FAM149B1: variants seen among roughly 807,000 people sequenced by gnomAD.
FAM149B1 encodes primary cilium assembly protein FAM149B1.
A neutral mutation model predicts 75.3 loss-of-function variants in FAM149B1; 56 were observed. The ratio of observed to expected loss-of-function variants is 0.74; its 90% CI spans 0.60 to 0.93. The LOEUF (loss-of-function observed/expected upper bound fraction) is 0.93, where lower values mean the gene tolerates loss of function less well. Ranked by LOEUF, FAM149B1 falls within the 40% of genes least tolerant of loss-of-function variation. The pLI, the probability that FAM149B1 is intolerant of heterozygous loss-of-function variation, is 0.00. For synonymous variants in FAM149B1, 259 were observed against 256.1 expected (o/e 1.01, Z -0.11); for missense variants, 639 against 708.4 (o/e 0.90, Z 1.11).
intron 9 of FAM149B1, 87 bp downstream of exon 9, chr10:73,230,612 G>A: frequency 1.4e-6 from 1 of 739,568 alleles, no homozygotes; most frequent in Non-Finnish European, 2.3e-6. Context: ...CATGTATTGA[G>A]TGCCAACCAA....
chr10:73,174,607 G>A (rs543236335), intron 1 of FAM149B1, 80 bp from the exon 2 acceptor site: 2 of 1,021,048 alleles, frequency 2.0e-6, no homozygotes, highest in Non-Finnish European at 1.5e-6. Flanking sequence ...GAGGAAGTAG[G>A]TGACTAACTT....
At chr10:73,192,505 CAGAG>C in intron 3 of FAM149B1, 47 bp from the exon 4 acceptor site, 15 of 1,508,518 alleles carry the variant, frequency 9.9e-6, no homozygotes, top group Non-Finnish European at 1.3e-5. Context: ...TAATTTTTAA[CAGAG>C]AGTGAATCAG....
chr10:73,236,164 A>C (rs573311816), intron 12 of FAM149B1, among the ~76,000 whole-genome samples: 21 of 152,300 alleles, frequency 1.4e-4, no homozygotes, highest in Non-Finnish European at 2.4e-4. Context: ...TGGTAAGGAT[A>C]ATCAATATCA....
intron 3 of FAM149B1, among the ~76,000 whole-genome samples, chr10:73,186,967 A>C (rs2042538575): frequency 6.6e-6 from 1 of 152,232 alleles, no homozygotes; most frequent in South Asian, 2.1e-4. Flanking sequence ...TGATAGTTGT[A>C]CAACTGCGAA....
At chr10:73,235,721 A>G (rs2043805280) in intron 12 of FAM149B1, among the ~76,000 whole-genome samples, 1 of 152,162 alleles carries the variant, frequency 6.6e-6, no homozygotes, top group African/African-American at 2.4e-5. Context: ...TTTTTTCAGA[A>G]GCAGGCTCTT....
chr10:73,209,825 T>C (rs977489068), intron 6 of FAM149B1, among the ~76,000 whole-genome samples: 1 of 152,270 alleles, frequency 6.6e-6, no homozygotes, highest in African/African-American at 2.4e-5. Flanking sequence ...CTTTTTAGGC[T>C]GTGCAGCTGT....
intron 7 of FAM149B1, among the ~76,000 whole-genome samples, chr10:73,210,785 T>C (rs929924195): frequency 7.9e-5 from 12 of 151,650 alleles, no homozygotes; most frequent in African/African-American, 2.9e-4. Context: ...ACTGCACCAC[T>C]GCACTCTAGC....
At chr10:73,238,362 A>T (rs1272049307) in intron 12 of FAM149B1, among the ~76,000 whole-genome samples, 2 of 152,206 alleles carry the variant, frequency 1.3e-5, no homozygotes, top group African/African-American at 4.8e-5. Flanking sequence ...CACAAAAAAA[A>T]GAATGCTAGC....
In FAM149B1 at chr10:73,243,598, A is replaced by G; in HGVS notation, c.*2579A>G. The G allele has an allele frequency of 6.4e-7, 1 of 1,564,024 alleles. No homozygotes were observed. The highest frequency in any genetic ancestry group is 8.7e-7 in the Non-Finnish European group (1 of 1,147,698). On this transcript the variant is annotated 3_prime_UTR_variant, in exon 14 of 14. Coordinates refer to ENST00000242505, the MANE Select transcript of FAM149B1 (RefSeq NM_173348.2). Reference sequence around the variant, plus strand: ...TACCTAGTGGTTGCCAGGGGCTGGAAAAGTGGAATAACTACTAATGGGTAT... The same window carrying G: ...TACCTAGTGGTTGCCAGGGGCTGGAGAAGTGGAATAACTACTAATGGGTAT...
chr10:73,197,312 T>C (rs2133344288), intron 5 of FAM149B1, among the ~76,000 whole-genome samples: 1 of 152,342 alleles, frequency 6.6e-6, no homozygotes, highest in Admixed American at 6.5e-5. Context: ...CACTCTTTTT[T>C]CTTAACTAAA....
intron 3 of FAM149B1, among the ~76,000 whole-genome samples, chr10:73,189,347 A>T (rs1044649448): frequency 6.6e-6 from 1 of 152,208 alleles, no homozygotes; most frequent in African/African-American, 2.4e-5. Context: ...ATTTCTTTAA[A>T]CATACATTTA....
At chr10:73,228,265 G>C in intron 8 of FAM149B1, 81 bp downstream of exon 8, 1 of 1,190,964 alleles carries the variant, frequency 8.4e-7, no homozygotes, top group South Asian at 1.4e-5. Flanking sequence ...TGCCTTACTT[G>C]TATGATTTCT....
intron 5 of FAM149B1, among the ~76,000 whole-genome samples, chr10:73,199,343 G>A (rs141952916): frequency 0.032 from 4,812 of 150,716 alleles, 253 homozygotes; most frequent in African/African-American, 0.1. Context: ...TCAGCCTCCC[G>A]AGTAGCTGGG....
rs1000168196 is a variant in FAM149B1, at chr10:73,244,053, C to T, written c.*3034C>T. On this transcript the variant is annotated 3_prime_UTR_variant, in exon 14 of 14. Transcript: ENST00000242505. ...GAATATATGAATAGACAAAATGAAT[C>T]GAATTACATAACTATGTCATTCATT... 96 of 719,346 alleles carry T rather than the reference C, an allele frequency of 1.3e-4. No individual in the cohort carries two copies. Among genetic ancestry groups the T allele is most frequent in the Middle Eastern group, 2.4e-4 (1 of 4,102 alleles). The allele number at this position is 719,346 out of a possible 1,614,324, so 44.6% of individuals were successfully genotyped here.
At chr10:73,216,152 C>A (rs1249821506) in intron 7 of FAM149B1, among the ~76,000 whole-genome samples, 6 of 152,038 alleles carry the variant, frequency 3.9e-5, no homozygotes, top group Non-Finnish European at 5.9e-5. Context: ...TATATAATGA[C>A]CTTCTTGGTC....
At chr10:73,237,967 A>T (rs568442564) in intron 12 of FAM149B1, among the ~76,000 whole-genome samples, 48 of 149,422 alleles carry the variant, frequency 3.2e-4, no homozygotes, top group South Asian at 8.3e-4. Flanking sequence ...TAAGTTTATT[A>T]AAAAAAAAGT....
rs2043795683 is a variant in FAM149B1, at chr10:73,235,230, T to C, written c.1514T>C (p.Val505Ala). ...GACTCTAGTCGAGCTCAAAGTGCGG[T>C]GGTGGATGAACCTAACTATCAGCAG... is the stretch of plus-strand genomic sequence containing the variant. The part of the protein sequence containing the change: ...HGDSSRAQSA[V>A]VDEPNYQQPQ... Residue 505 changes from valine to alanine, a missense_variant, in exon 12 of 14, where the codon GTG (valine) becomes GCG (alanine). Coordinates refer to ENST00000242505, the MANE Select transcript of FAM149B1 (RefSeq NM_173348.2). 1.3e-6 allele frequency: 2 copies of C among 1,551,646 alleles called. No homozygotes were observed. Among genetic ancestry groups the C allele is most frequent in the African/African-American group, 2.7e-5 (2 of 73,050 alleles).
At chr10:73,222,434 TC>T (rs966797261) in intron 7 of FAM149B1, among the ~76,000 whole-genome samples, 1 of 152,186 alleles carries the variant, frequency 6.6e-6, no homozygotes, top group African/African-American at 2.4e-5. Flanking sequence ...CTTTTTTTTT[TC>T]CTAGCCTCAG....
intron 3 of FAM149B1, among the ~76,000 whole-genome samples, chr10:73,178,497 A>G (rs1363315770): frequency 6.6e-6 from 1 of 152,124 alleles, no homozygotes; most frequent in Non-Finnish European, 1.5e-5. Flanking sequence ...CTCAAAAAAA[A>G]AAAAACAACA....
Sources: allele counts gnomAD v4.1 joint callset (sites outside exome capture counted in the v4.1 genomes callset), GRCh38; gene constraint gnomAD v4.1.1; transcripts MANE v1.5; gene names NCBI Gene and HGNC (gene_info 2026-07-23, HGNC 2026-07-21).